Variants in WDR17 observed in about 807,000 individuals in gnomAD.
The protein encoded by WDR17 is WD repeat domain 17, also known as WD repeat-containing protein 17.
In WDR17, 143 loss-of-function variants were observed where a neutral mutation model predicts 161.7. That is an observed-to-expected ratio of 0.88 (90% CI 0.77 to 1.02). The LOEUF is 1.02. Ranked by LOEUF, WDR17 falls within the 50% of genes least tolerant of loss-of-function variation. WDR17 has a pLI of 0.00. For missense variants in WDR17, 1,469 were observed against 1,520.9 expected, an observed-to-expected ratio of 0.97 and a Z score of 0.57; for synonymous variants, 517 against 515.6, an observed-to-expected ratio of 1.00 and a Z score of -0.04.
At chr4:176,164,149 C>G (rs911708458) in intron 22 of WDR17, among the ~76,000 whole-genome samples, 2 of 152,116 alleles carry the variant, frequency 1.3e-5, no homozygotes, top group African/African-American at 4.8e-5. Context: ...TTACTCTGTG[C>G]CAAGCACGAT....
chr4:176,119,864 C>T lies in WDR17; in HGVS notation c.308-3C>T, dbSNP rs373706105. 1.1e-5 allele frequency: 17 copies of T among 1,613,254 alleles called. No individual in the cohort carries two copies. Among genetic ancestry groups the T allele is most frequent in the Non-Finnish European group, 1.4e-5 (17 of 1,179,458 alleles). Reference sequence around the variant, plus strand: ...TTATGTATCTGTATTTAATGTATTCCAGGGATCCCTGCTTCTCTTAGTTGG... The same window carrying T: ...TTATGTATCTGTATTTAATGTATTCTAGGGATCCCTGCTTCTCTTAGTTGG... On this transcript the variant is annotated splice_region_variant and splice_polypyrimidine_tract_variant and intron_variant, in intron 3 of 28. Transcript: ENST00000508596.
At chr4:176,156,987 A>G (rs557474620) in intron 18 of WDR17, among the ~76,000 whole-genome samples, 2 of 152,096 alleles carry the variant, frequency 1.3e-5, no homozygotes, top group African/African-American at 4.8e-5. Context: ...TTGAGGTCCT[A>G]CCCTAATCCA....
chr4:176,104,834 C>G (rs1414702157), intron 1 of WDR17, among the ~76,000 whole-genome samples: 1 of 151,884 alleles, frequency 6.6e-6, no homozygotes, highest in Non-Finnish European at 1.5e-5. Context: ...GACAAAAAAA[C>G]TATGAAGCAT....
At chr4:176,094,816 A>G (rs955472667) in intron 1 of WDR17, among the ~76,000 whole-genome samples, 2 of 152,214 alleles carry the variant, frequency 1.3e-5, no homozygotes, top group Non-Finnish European at 2.9e-5. Context: ...TTTTCATCTC[A>G]GGTTACTATC....
At chr4:176,115,665 ATGTTC>A in intron 2 of WDR17, 126 bp from the exon 3 acceptor site, 1 of 592,400 alleles carries the variant, frequency 1.7e-6, no homozygotes, top group East Asian at 3.4e-5. Context: ...GGCTTGAAAT[ATGTTC>A]ATATCTTTAT....
At position 176,182,674 on chromosome 4, in the gene WDR17, G is replaced by T. The variant is rs1752276759; in HGVS notation, c.*3095G>T. On this transcript the variant is annotated 3_prime_UTR_variant, in exon 29 of 29. Transcript: ENST00000508596. This position sits in a 1 kb window ranked among gnomAD's most constrained non-coding sequence, Gnocchi z 4.2. ...ATTGTACCAAATCTTTGAGATATTT[G>T]TACATAAATGAAATATGTACTTTCA... The T allele has an allele frequency of 6.6e-6, 1 of 151,910 alleles. No individual in the cohort carries two copies. The highest frequency in any genetic ancestry group is 1.5e-5 in the Non-Finnish European group (1 of 68,000). 9.4% of individuals were successfully genotyped at this position (151,910 alleles called of 1,614,324 possible). A position where few individuals can be genotyped will look rare whatever the true frequency, so the allele number is the denominator to read the frequency against.
intron 1 of WDR17, among the ~76,000 whole-genome samples, chr4:176,081,779 C>T (rs937619339): frequency 6.6e-6 from 1 of 152,150 alleles, no homozygotes; most frequent in Non-Finnish European, 1.5e-5. Context: ...CCACTTGTAT[C>T]TCCTTAGCTG....
chr4:176,071,096 G>A (rs1389918862), intron 1 of WDR17, among the ~76,000 whole-genome samples: 2 of 148,184 alleles, frequency 1.3e-5, no homozygotes, highest in Non-Finnish European at 3.0e-5. Context: ...GGATTACATA[G>A]CAATTTATGG....
intron 6 of WDR17, among the ~76,000 whole-genome samples, chr4:176,130,607 T>A (rs939050637): frequency 2.0e-4 from 30 of 151,698 alleles, no homozygotes; most frequent in Admixed American, 1.4e-3. Context: ...TAGCCGGGCG[T>A]GGTGGCAGGA....
intron 9 of WDR17, among the ~76,000 whole-genome samples, chr4:176,138,458 T>G (rs1744750650): frequency 6.6e-6 from 1 of 151,668 alleles, no homozygotes; most frequent in African/African-American, 2.4e-5. Flanking sequence ...AATTTTGCAC[T>G]CAAAAAAGGA....
chr4:176,110,483 TTGG>T (rs1739523651), intron 1 of WDR17, among the ~76,000 whole-genome samples: 1 of 152,204 alleles, frequency 6.6e-6, no homozygotes, highest in African/African-American at 2.4e-5. Context: ...TAATAATGGC[TTGG>T]ATTCTACCTT....
At chr4:176,154,522 T>C (rs1747754200) in intron 17 of WDR17, among the ~76,000 whole-genome samples, 1 of 152,058 alleles carries the variant, frequency 6.6e-6, no homozygotes, top group Non-Finnish European at 1.5e-5. Flanking sequence ...GTCCATAGAA[T>C]CGTTTGTAAT....
chr4:176,094,835 A>G (rs539056582), intron 1 of WDR17, among the ~76,000 whole-genome samples: 4 of 152,198 alleles, frequency 2.6e-5, no homozygotes, highest in Non-Finnish European at 5.9e-5. Context: ...TCTAGAATAT[A>G]ATGATAGTCA....
intron 25 of WDR17, among the ~76,000 whole-genome samples, chr4:176,174,118 T>C (rs973605939): frequency 2.0e-5 from 3 of 152,004 alleles, no homozygotes; most frequent in Admixed American, 6.6e-5. Context: ...TAAAAGACAT[T>C]ATTATCTATA....
At chr4:176,164,542 T>C (rs1474812837) in intron 22 of WDR17, among the ~76,000 whole-genome samples, 1 of 152,210 alleles carries the variant, frequency 6.6e-6, no homozygotes, top group African/African-American at 2.4e-5. Context: ...CCCTTAGATA[T>C]CTTATTATGT....
rs1391812966 is a variant in WDR17, at chr4:176,177,416, A to G, written c.3549-55A>G. On this transcript the variant is annotated intron_variant, in intron 27 of 28. Coordinates refer to ENST00000508596, the MANE Select transcript of WDR17 (RefSeq NM_181265.4). ...ATCAGGGATAATTTCTAATCTAAAC[A>G]TCAAAAATTCTGTGATTCGACAAAA... The G allele has an allele frequency of 8.3e-6, 12 of 1,440,628 alleles. No homozygotes were observed. In the East Asian group the frequency reaches 1.2e-4, roughly 14 times the overall value. The allele number at this position is 1,440,628 out of a possible 1,614,324, so 89.2% of individuals were successfully genotyped here.
At chr4:176,159,705 A>C (rs1218959271) in intron 18 of WDR17, among the ~76,000 whole-genome samples, 1 of 152,208 alleles carries the variant, frequency 6.6e-6, no homozygotes, top group African/African-American at 2.4e-5. Context: ...TTTTGAATAA[A>C]TTAATTGCCC....
chr4:176,130,543 G>A (rs541851261), intron 6 of WDR17, among the ~76,000 whole-genome samples: 2 of 152,172 alleles, frequency 1.3e-5, no homozygotes, highest in South Asian at 4.1e-4. Context: ...AGGAGATCGA[G>A]ACCATCCTGG....
chr4:176,156,485 C>T (rs938436703), intron 18 of WDR17, among the ~76,000 whole-genome samples: 1 of 151,960 alleles, frequency 6.6e-6, no homozygotes, highest in African/African-American at 2.4e-5. Flanking sequence ...TCGTAAAATA[C>T]TATTCTATTA....
Sources: gnomAD v4.1 joint callset for allele counts (sites outside exome capture counted in the v4.1 genomes callset) on GRCh38, gnomAD v4.1.1 for gene constraint, Gnocchi (gnomAD v3.1) non-coding constraint, MANE v1.5 for transcripts, NCBI Gene and HGNC (gene_info 2026-07-23, HGNC 2026-07-21) for gene names.